PCNT: variants seen among roughly 807,000 people sequenced by gnomAD.
The protein encoded by PCNT is kendrin.
Under a neutral mutation model 380.4 loss-of-function variants are expected in PCNT, and 319 were observed. The observed-to-expected ratio is 0.84, with a 90% CI of 0.77 to 0.92. The LOEUF (loss-of-function observed/expected upper bound fraction) is 0.92, where lower values mean the gene tolerates loss of function less well. PCNT is among the 40% of genes least tolerant of loss of function. The pLI is 0.00. For synonymous variants in PCNT, 1,845 were observed against 1,735.2 expected (o/e 1.06, Z -1.57); for missense variants, 4,400 against 4,255.3 (o/e 1.03, Z -0.95).
At chr21:46,391,455 G>A in intron 21 of PCNT, 79 bp downstream of exon 21, 24 of 1,173,246 alleles carry the variant, frequency 2.0e-5, no homozygotes, top group Non-Finnish European at 2.8e-5. Context: ...AGCTCCCAAG[G>A]ACACTCAGTG....
chr21:46,360,400 T>A (rs1297542037), intron 13 of PCNT, among the ~76,000 whole-genome samples: 1 of 129,122 alleles, frequency 7.7e-6, no homozygotes, highest in Non-Finnish European at 1.6e-5. Context: ...GTTTTTTTTT[T>A]ACATTTTTAG....
At chr21:46,353,751 T>TGTGAGAGA (rs59894003) in intron 10 of PCNT, among the ~76,000 whole-genome samples, 3 of 104,316 alleles carry the variant, frequency 2.9e-5, no homozygotes, top group African/African-American at 1.1e-4. Flanking sequence ...TGTGTGTGTG[T>TGTGAGAGA]GAGAGAGACA....
intron 21 of PCNT, among the ~76,000 whole-genome samples, chr21:46,394,183 G>C (rs1211508919): frequency 6.6e-6 from 1 of 152,238 alleles, no homozygotes; most frequent in Non-Finnish European, 1.5e-5. Context: ...AGGCTCTGAC[G>C]GTGGCGTGAA....
intron 33 of PCNT, 35 bp downstream of exon 33, chr21:46,426,006 G>T: frequency 6.3e-7 from 1 of 1,598,802 alleles, no homozygotes; most frequent in Non-Finnish European, 8.5e-7. Context: ...CTTTTCCAAA[G>T]GATTTAAGGA....
chr21:46,422,264 A>G, intron 32 of PCNT, 140 bp downstream of exon 32: 2 of 1,121,534 alleles, frequency 1.8e-6, no homozygotes, highest in African/African-American at 1.5e-5. Flanking sequence ...CATTTTAATG[A>G]CTCACGGGAG....
chr21:46,401,048 G>A (rs2086408744), intron 25 of PCNT, among the ~76,000 whole-genome samples: 1 of 152,240 alleles, frequency 6.6e-6, no homozygotes, highest in East Asian at 1.9e-4. Flanking sequence ...GAGCTTAGTA[G>A]ATGCCAGGGT....
At chr21:46,431,341 C>G (rs2087754462) in intron 37 of PCNT, 188 bp from the exon 38 acceptor site, 1 of 1,449,154 alleles carries the variant, frequency 6.9e-7, no homozygotes, top group Admixed American at 2.5e-5. Flanking sequence ...TATGTCATCT[C>G]CGCAGTCTGG....
chr21:46,442,771 G>C (rs1173998404), intron 44 of PCNT, 198 bp downstream of exon 44: 2 of 631,332 alleles, frequency 3.2e-6, no homozygotes, highest in Non-Finnish European at 5.7e-6. Flanking sequence ...TGTTAGCTAT[G>C]AACACAGGTC....
At chr21:46,409,864 G>T (rs941774325) in intron 27 of PCNT, among the ~76,000 whole-genome samples, 1 of 152,190 alleles carries the variant, frequency 6.6e-6, no homozygotes, top group Non-Finnish European at 1.5e-5. Context: ...AAAGTGCTGG[G>T]GTTACAGACG....
intron 27 of PCNT, among the ~76,000 whole-genome samples, chr21:46,409,677 G>A (rs1260955653): frequency 6.6e-6 from 1 of 152,128 alleles, no homozygotes; most frequent in African/African-American, 2.4e-5. Context: ...TCGGCTTACC[G>A]CAACCTCTGC....
chr21:46,388,208 TC>T lies in PCNT; in HGVS notation c.3465-533del, dbSNP rs1272526404. Among the ~76,000 whole-genome samples, 2 of 145,390 alleles carry T rather than the reference TC, an allele frequency of 1.4e-5. No individual in the cohort carries two copies. The highest frequency in any genetic ancestry group is 6.8e-5 in the Admixed American group (1 of 14,622). On this transcript the variant is annotated intron_variant, in intron 17 of 46. Coordinates refer to ENST00000359568, the MANE Select transcript of PCNT (RefSeq NM_006031.6). The surrounding 1 kb of genome is among the most constrained non-coding windows in gnomAD (Gnocchi z 4.2). ...CTGGGCGACAGAGCGAGACTCCATC[TC>T]AAAAAAAAAAAAAGACAGAAGCATC...
At chr21:46,375,085 G>C (rs934526367) in intron 15 of PCNT, among the ~76,000 whole-genome samples, 1 of 152,136 alleles carries the variant, frequency 6.6e-6, no homozygotes, top group Non-Finnish European at 1.5e-5. Flanking sequence ...TGAGAGTTTG[G>C]TTGTGAGGAA....
Position 46,401,535 on chromosome 21 carries a change from CTTT to C in PCNT, c.4792-8_4792-6del. 6.9e-7 allele frequency: 1 copy of C among 1,447,996 alleles called. No individual in the cohort carries two copies. The highest frequency in any genetic ancestry group is 9.5e-7 in the Non-Finnish European group (1 of 1,047,864). 89.7% of individuals were successfully genotyped at this position (1,447,996 alleles called of 1,614,324 possible). A position where few individuals can be genotyped will look rare whatever the true frequency, so the allele number is the denominator to read the frequency against. On this transcript the variant is annotated splice_polypyrimidine_tract_variant and intron_variant, in intron 25 of 46. Coordinates refer to ENST00000359568, the MANE Select transcript of PCNT (RefSeq NM_006031.6). ...CCAAATATTTGCCTAAAATAGAGTT[CTTT>C]TTTTTTTAATAGGATAAAGAGGTGT...
chr21:46,400,776 T>C (rs1319058953), intron 25 of PCNT, among the ~76,000 whole-genome samples: 1 of 152,214 alleles, frequency 6.6e-6, no homozygotes, highest in Non-Finnish European at 1.5e-5. Context: ...CGCCTTGGCC[T>C]CTCAAAGTGC....
At chr21:46,401,100 T>C (rs1293530445) in intron 25 of PCNT, among the ~76,000 whole-genome samples, 4 of 152,246 alleles carry the variant, frequency 2.6e-5, no homozygotes, top group African/African-American at 7.2e-5. Context: ...TTGGACTGTG[T>C]ATGCAATTTT....
In PCNT at chr21:46,366,728, G is replaced by A. The variant is rs1244934809; in HGVS notation, c.2754G>A (p.Glu918=). 6.2e-7 allele frequency: 1 copy of A among 1,613,624 alleles called. No homozygotes were observed. The highest frequency in any genetic ancestry group is 2.2e-5 in the East Asian group (1 of 44,874). The change falls in exon 15 of 47, where the codon GAG becomes GAA. Residue 918 remains glutamate (E), a synonymous_variant. Coordinates refer to ENST00000359568, the MANE Select transcript of PCNT (RefSeq NM_006031.6). ...AGCAGCTCCTGTCAGTGACGGCGGA[G>A]CTCGAGGCCAGACACCAGGCCGCGT... is the stretch of plus-strand genomic sequence containing the variant. The part of the protein sequence containing the change: ...HQQQLLSVTA[E]LEARHQAALG...
At position 46,324,195 on chromosome 21, in the gene PCNT, C is replaced by T. The variant is rs1056328096; in HGVS notation, c.-34C>T. Reference sequence around the variant, plus strand: ...GAAGGCTGCTCTGTGTCAGCCCCGTCACCGCCGGGCGGCCCGCGCGGAGTC... The same window carrying T: ...GAAGGCTGCTCTGTGTCAGCCCCGTTACCGCCGGGCGGCCCGCGCGGAGTC... On this transcript the variant is annotated 5_prime_UTR_variant, in exon 1 of 47. Transcript: ENST00000359568. 4 of 1,593,022 alleles carry T rather than the reference C, an allele frequency of 2.5e-6. No individual in the cohort carries two copies. In the African/African-American group the frequency reaches 4.0e-5, roughly 16 times the overall value.
intron 21 of PCNT, among the ~76,000 whole-genome samples, chr21:46,394,232 G>C (rs1480324420): frequency 6.6e-6 from 1 of 152,230 alleles, no homozygotes; most frequent in Non-Finnish European, 1.5e-5. Flanking sequence ...TCGCCGTGTT[G>C]CGTGACGCCC....
At position 46,436,164 on chromosome 21, in the gene PCNT, A is replaced by T; in HGVS notation, c.8996+16A>T. ...CCGTGGACAGGTGTGCACCCACGCC[A>T]CCTGGCGCTCACTGGTCCCTTGCAG... On this transcript the variant is annotated intron_variant, in intron 39 of 46. Coordinates refer to ENST00000359568, the MANE Select transcript of PCNT (RefSeq NM_006031.6). 1 of 1,602,920 alleles carries T rather than the reference A, an allele frequency of 6.2e-7. No homozygotes were observed. Among genetic ancestry groups the T allele is most frequent in the Non-Finnish European group, 8.5e-7 (1 of 1,179,660 alleles).
Sources: allele counts gnomAD v4.1 joint callset (sites outside exome capture counted in the v4.1 genomes callset), GRCh38; gene constraint gnomAD v4.1.1; non-coding constraint Gnocchi (gnomAD v3.1); transcripts MANE v1.5; gene names NCBI Gene and HGNC (gene_info 2026-07-23, HGNC 2026-07-21).